The following BMP7 variants were observed in gnomAD, a reference collection of about 807,000 sequenced individuals.
BMP7 encodes osteogenic protein 1.
Under a neutral mutation model 41.2 loss-of-function variants are expected in BMP7, and 12 were observed. The observed-to-expected ratio is 0.29, with a 90% confidence interval of 0.19 to 0.47. The LOEUF is 0.47. Ranked by LOEUF, BMP7 falls within the 20% of genes least tolerant of loss-of-function variation. The pLI is 0.99. For missense variants in BMP7, 467 were observed against 606.0 expected (o/e 0.77, Z 2.41); for synonymous variants, 248 against 250.0 (o/e 0.99, Z 0.07).
At chr20:57,190,222 G>C (rs527594121) in intron 3 of BMP7, among the ~76,000 whole-genome samples, 1 of 151,814 alleles carries the variant, frequency 6.6e-6, no homozygotes, top group Admixed American at 6.5e-5. Flanking sequence ...AACCAGAGGG[G>C]GTGAGGCTGG....
At chr20:57,244,476 T>C (rs902768918) in intron 1 of BMP7, among the ~76,000 whole-genome samples, 1 of 152,190 alleles carries the variant, frequency 6.6e-6, no homozygotes, top group African/African-American at 2.4e-5. Flanking sequence ...TCCTTAGCCT[T>C]ACTCAGCCCA....
At chr20:57,191,911 T>A (rs1422021739) in intron 3 of BMP7, among the ~76,000 whole-genome samples, 7 of 131,888 alleles carry the variant, frequency 5.3e-5, no homozygotes, top group Admixed American at 1.6e-4. Flanking sequence ...GTATACATAC[T>A]ATATATTATA....
At chr20:57,209,042 G>A (rs1311815025) in intron 2 of BMP7, among the ~76,000 whole-genome samples, 1 of 151,350 alleles carries the variant, frequency 6.6e-6, no homozygotes, top group Non-Finnish European at 1.5e-5. Flanking sequence ...AAATTGGCCA[G>A]GCACGGTGGC....
chr20:57,251,795 G>A (rs935937384), intron 1 of BMP7, among the ~76,000 whole-genome samples: 3 of 152,114 alleles, frequency 2.0e-5, no homozygotes, highest in African/African-American at 4.8e-5. Context: ...TTATCTGGGC[G>A]TGGTGATGCA....
At chr20:57,254,017 C>CTTTTTTTTTT (rs35180643) in intron 1 of BMP7, among the ~76,000 whole-genome samples, 13 of 71,538 alleles carry the variant, frequency 1.8e-4, no homozygotes, top group African/African-American at 5.0e-4. Context: ...GGTTTCTTTC[C>CTTTTTTTTTT]TTTTTTTTTT....
At chr20:57,176,087 G>A (rs1186928114) in intron 4 of BMP7, among the ~76,000 whole-genome samples, 1 of 152,220 alleles carries the variant, frequency 6.6e-6, no homozygotes, top group Non-Finnish European at 1.5e-5. Flanking sequence ...AAGGGCAAGT[G>A]ACCCAACACA....
chr20:57,222,573 A>G (rs879617968), intron 2 of BMP7, among the ~76,000 whole-genome samples: 4 of 152,034 alleles, frequency 2.6e-5, no homozygotes, highest in African/African-American at 9.7e-5. Context: ...GCCCAGAGAA[A>G]GGGACTGCGA....
At chr20:57,248,326 C>T (rs2066098209) in intron 1 of BMP7, among the ~76,000 whole-genome samples, 1 of 152,212 alleles carries the variant, frequency 6.6e-6, no homozygotes, top group Non-Finnish European at 1.5e-5. Context: ...CCACTTTTCC[C>T]TCCCCTGCCT....
intron 1 of BMP7, among the ~76,000 whole-genome samples, chr20:57,253,023 C>T (rs2066120396): frequency 6.6e-6 from 1 of 152,186 alleles, no homozygotes; most frequent in African/African-American, 2.4e-5. Context: ...TGAGAAACTG[C>T]ACACTAAACG....
chr20:57,175,039 C>T, intron 4 of BMP7, 32 bp from the exon 5 acceptor site: 1 of 1,594,604 alleles, frequency 6.3e-7, no homozygotes, highest in South Asian at 1.1e-5. Context: ...GAAGCAGAGC[C>T]CAGTGAGGAG....
At position 57,183,718 on chromosome 20, in the gene BMP7, A is replaced by G; in HGVS notation, c.958+4T>C. 6.2e-7 allele frequency: 1 copy of G among 1,613,880 alleles called. No individual in the cohort carries two copies. Among genetic ancestry groups the G allele is most frequent in the South Asian group, 1.1e-5 (1 of 91,072 alleles). ...GGTCTGTGATCCCTCCCACCTAAGC[A>G]TACCTGCCACGTTGGCCATCCGCAG... On this transcript the variant is annotated splice_donor_region_variant and intron_variant, in intron 4 of 6. Transcript: ENST00000395863.
intron 3 of BMP7, among the ~76,000 whole-genome samples, chr20:57,186,567 G>A (rs73181085): frequency 0.013 from 1,936 of 152,272 alleles, 18 homozygotes; most frequent in Non-Finnish European, 0.02. Context: ...AGGGATACCC[G>A]GCTTGGAAGC....
chr20:57,238,748 G>T (rs1171211613), intron 1 of BMP7, among the ~76,000 whole-genome samples: 1 of 152,098 alleles, frequency 6.6e-6, no homozygotes, highest in Non-Finnish European at 1.5e-5. Flanking sequence ...CATGGCTGGG[G>T]AGGCCTCAGA....
intron 2 of BMP7, among the ~76,000 whole-genome samples, chr20:57,218,504 G>A (rs1180634184): frequency 8.6e-5 from 13 of 151,456 alleles, no homozygotes; most frequent in African/African-American, 2.2e-4. Flanking sequence ...GTGTGTGTTT[G>A]CTGGTAGCTG....
chr20:57,232,989 T>C (rs2066034800), intron 1 of BMP7, among the ~76,000 whole-genome samples: 1 of 150,488 alleles, frequency 6.6e-6, no homozygotes, highest in Non-Finnish European at 1.5e-5. Context: ...CTCCACAGTG[T>C]GAAATCTACA....
chr20:57,215,157 CTCA>C lies in BMP7; in HGVS notation c.612-12537_612-12535del, dbSNP rs1279023147. Among the ~76,000 whole-genome samples the C allele has an allele frequency of 6.6e-6, 1 of 152,212 alleles. No individual in the cohort carries two copies. The highest frequency in any genetic ancestry group is 1.5e-5 in the Non-Finnish European group (1 of 68,038). Reference sequence around the variant, plus strand: ...TGCACATCCTAGTTGAAGGGAAACCCTCATCAGCCCCTGGGCACCTCCATACCC... The same window carrying C: ...TGCACATCCTAGTTGAAGGGAAACCCTCAGCCCCTGGGCACCTCCATACCC... On this transcript the variant is annotated intron_variant, in intron 2 of 6. Transcript: ENST00000395863. The surrounding 1 kb of genome is among the most constrained non-coding windows in gnomAD (Gnocchi z 4.2).
chr20:57,218,726 G>A (rs562878936), intron 2 of BMP7, among the ~76,000 whole-genome samples: 24 of 150,426 alleles, frequency 1.6e-4, no homozygotes, highest in African/African-American at 5.4e-4. Flanking sequence ...GGTAGCTGGT[G>A]TTTGTTCGGT....
chr20:57,266,007 G>C lies in BMP7; in HGVS notation c.116C>G (p.Ser39Trp). ...ADFSLDNEVH[S>W]SFIHRRLRSQ... is the part of the protein sequence containing the mutation. ...GCGGAGGCGCCGGTGGATGAAGCTC[G>C]AGTGCACCTCGTTGTCCAGGCTGAA... The change falls in exon 1 of 7, where the codon TCG becomes TGG. Residue 39 changes from serine to tryptophan, a missense_variant. Transcript: ENST00000395863. 1.3e-6 allele frequency: 2 copies of C among 1,549,340 alleles called. No individual in the cohort carries two copies. Among genetic ancestry groups the C allele is most frequent in the Non-Finnish European group, 1.7e-6 (2 of 1,146,968 alleles).
chr20:57,249,402 G>A (rs114868974), intron 1 of BMP7, among the ~76,000 whole-genome samples: 111 of 152,238 alleles, frequency 7.3e-4, no homozygotes, highest in Middle Eastern at 3.4e-3. Flanking sequence ...GAAACTGGGA[G>A]AAGGAACTCA....
Sources: allele counts gnomAD v4.1 joint callset (sites outside exome capture counted in the v4.1 genomes callset), GRCh38; gene constraint gnomAD v4.1.1; non-coding constraint Gnocchi (gnomAD v3.1); transcripts MANE v1.5; gene names NCBI Gene and HGNC (gene_info 2026-07-23, HGNC 2026-07-21).